PCDH15: variants seen among roughly 807,000 people sequenced by gnomAD.
PCDH15 encodes the protein protocadherin related 15, also known as protocadherin-15.
Under a neutral mutation model 178.5 loss-of-function variants are expected in PCDH15, and 129 were observed. That is an observed-to-expected ratio of 0.72 (90% confidence interval 0.63 to 0.84). The LOEUF (loss-of-function observed/expected upper bound fraction) is 0.84. Ranked by LOEUF, PCDH15 falls within the 40% of genes least tolerant of loss-of-function variation. The probability of loss-of-function intolerance (pLI) is 0.00; values close to 1 mark genes in which losing one functional copy is unlikely to be tolerated. For synonymous variants in PCDH15, 800 were observed against 732.0 expected (o/e 1.09, Z -1.50); for missense variants, 2,230 against 2,099.9 (o/e 1.06, Z -1.21).
Position 53,822,673 on chromosome 10 carries a change from A to G in PCDH15, c.4368-2443T>C, listed in dbSNP as rs1436824357. 2 of 1,613,902 alleles carry G rather than the reference A, an allele frequency of 1.2e-6. No homozygotes were observed. Among genetic ancestry groups the G allele is most frequent in the Non-Finnish European group, 1.7e-6 (2 of 1,179,952 alleles). ...GGAGAACTGATGACATTAGGTTCTG[A>G]TTTGAGTTCCACAGTTCTTGAAACA... On this transcript the variant is annotated intron_variant, in intron 32 of 37. Transcript: ENST00000644397.
At chr10:55,124,753 A>G (rs1167379085) in intron 2 of PCDH15, among the ~76,000 whole-genome samples, 1 of 152,098 alleles carries the variant, frequency 6.6e-6, no homozygotes, top group African/African-American at 2.4e-5. Flanking sequence ...ACCTGCCTTG[A>G]AATGCCTAAT....
chr10:55,480,452 T>A (rs181653862), intron 2 of PCDH15, among the ~76,000 whole-genome samples: 17 of 151,850 alleles, frequency 1.1e-4, no homozygotes, highest in South Asian at 2.1e-4. Flanking sequence ...TTTAGTAAGA[T>A]GTTGGTGGTG....
At chr10:54,454,237 A>G (rs1367982992) in intron 3 of PCDH15, among the ~76,000 whole-genome samples, 2 of 149,498 alleles carry the variant, frequency 1.3e-5, no homozygotes, top group African/African-American at 4.9e-5. Context: ...AATAAGGCAA[A>G]TACACAATGA....
intron 23 of PCDH15, among the ~76,000 whole-genome samples, chr10:53,945,822 G>A (rs1160086414): frequency 1.4e-5 from 2 of 139,254 alleles, no homozygotes; most frequent in African/African-American, 5.4e-5. Flanking sequence ...TTTTAAGGCT[G>A]AGTAATATTT....
At chr10:55,447,461 G>A (rs1168867551) in intron 2 of PCDH15, among the ~76,000 whole-genome samples, 1 of 151,922 alleles carries the variant, frequency 6.6e-6, no homozygotes, top group Non-Finnish European at 1.5e-5. Flanking sequence ...CAACAAAAAA[G>A]AGAAATAAAA....
At chr10:54,349,098 A>T (rs1238905159) in intron 5 of PCDH15, among the ~76,000 whole-genome samples, 1 of 152,246 alleles carries the variant, frequency 6.6e-6, no homozygotes, top group East Asian at 1.9e-4. Context: ...ATAAAAGCAA[A>T]ACAAAAAATC....
At chr10:54,501,236 T>TAA (rs796065889) in intron 3 of PCDH15, among the ~76,000 whole-genome samples, 2 of 107,518 alleles carry the variant, frequency 1.9e-5, no homozygotes, top group Non-Finnish European at 4.0e-5. Flanking sequence ...AGTATAATAA[T>TAA]AAAAAAAAAA....
At chr10:54,289,285 T>C (rs1178835603) in intron 8 of PCDH15, among the ~76,000 whole-genome samples, 1 of 152,204 alleles carries the variant, frequency 6.6e-6, no homozygotes, top group African/African-American at 2.4e-5. Flanking sequence ...GGGACCTGAA[T>C]GTTAGAAATA....
chr10:54,768,979 C>T (rs1330338504), intron 1 of PCDH15, among the ~76,000 whole-genome samples: 5 of 152,094 alleles, frequency 3.3e-5, no homozygotes, highest in Admixed American at 6.5e-5. Flanking sequence ...TGGAAATGCT[C>T]GTTCATTTTA....
At chr10:54,355,697 CA>C (rs1944869827) in intron 5 of PCDH15, among the ~76,000 whole-genome samples, 1 of 151,950 alleles carries the variant, frequency 6.6e-6, no homozygotes. Flanking sequence ...GACATAAAAT[CA>C]AATTAGCCAG....
chr10:55,264,059 G>A (rs981950751), intron 1 of PCDH15, among the ~76,000 whole-genome samples: 1 of 152,058 alleles, frequency 6.6e-6, no homozygotes, highest in Non-Finnish European at 1.5e-5. Flanking sequence ...AAGTGAGGGG[G>A]CTCCCCACTC....
intron 3 of PCDH15, among the ~76,000 whole-genome samples, chr10:54,407,180 AC>A: frequency 6.6e-6 from 1 of 152,166 alleles, no homozygotes; most frequent in East Asian, 1.9e-4. Flanking sequence ...GTGATAGAAA[AC>A]AAATCAGTGG....
intron 23 of PCDH15, among the ~76,000 whole-genome samples, chr10:53,947,999 A>G (rs979499194): frequency 1.3e-5 from 2 of 152,192 alleles, no homozygotes; most frequent in South Asian, 2.1e-4. Flanking sequence ...GCTTAAATCC[A>G]TAAGAATGCG....
At position 53,825,014 on chromosome 10, in the gene PCDH15, CAGTA is replaced by C. The variant is rs528781587; in HGVS notation, c.4367+2375_4367+2378del. 9.3e-5 allele frequency: 114 copies of C among 1,228,408 alleles called. 1 individual carries two copies. In the African/African-American group the frequency reaches 1.4e-3, roughly 15 times the overall value. The allele number at this position is 1,228,408 out of a possible 1,614,324, so 76.1% of individuals were successfully genotyped here. On this transcript the variant is annotated intron_variant, in intron 32 of 37. Transcript: ENST00000644397. ...GTGGAAGACAAAACTTTCCTTTTAA[CAGTA>C]AGTGAGTCTGTGGCAAAAGATGAAG...
chr10:54,028,046 A>T (rs2135387782), intron 18 of PCDH15, among the ~76,000 whole-genome samples: 1 of 151,382 alleles, frequency 6.6e-6, no homozygotes, highest in Non-Finnish European at 1.5e-5. Context: ...TACTCATCTG[A>T]CAAAGGGCTA....
chr10:54,070,925 T>C (rs2094229668), intron 17 of PCDH15, among the ~76,000 whole-genome samples: 1 of 152,016 alleles, frequency 6.6e-6, no homozygotes. Flanking sequence ...TGTTGTTTTT[T>C]AATAGTATAA....
intron 2 of PCDH15, among the ~76,000 whole-genome samples, chr10:55,151,994 T>G (rs2589430): frequency 0.053 from 8,063 of 151,966 alleles, 239 homozygotes; most frequent in Middle Eastern, 0.14. Flanking sequence ...ATAGGAGACT[T>G]TGTTATGTGG....
rs568741305 is a variant in PCDH15, at chr10:53,943,065, G to A, written c.3123-2090C>T. 1.1e-3 allele frequency among the ~76,000 whole-genome samples: 164 copies of A among 152,080 alleles called. 1 individual carries two copies. Among genetic ancestry groups the A allele is most frequent in the Non-Finnish European group, 1.4e-3 (98 of 68,018 alleles). On this transcript the variant is annotated intron_variant, in intron 23 of 37. Transcript: ENST00000644397. ...TAGACATTACTTAAATTGTTTACTT[G>A]TCTATCTTGTTACTGCACAAGATAG...
intron 2 of PCDH15, among the ~76,000 whole-genome samples, chr10:54,663,829 A>T (rs1467762574): frequency 6.6e-6 from 1 of 151,828 alleles, no homozygotes; most frequent in African/African-American, 2.4e-5. Flanking sequence ...GCTTTGTTTG[A>T]GACCTTTGTT....
Sources: allele counts gnomAD v4.1 joint callset (sites outside exome capture counted in the v4.1 genomes callset), GRCh38; gene constraint gnomAD v4.1.1; transcripts MANE v1.5; gene names NCBI Gene and HGNC (gene_info 2026-07-23, HGNC 2026-07-21).